B3GALNT2: variants seen among roughly 807,000 people sequenced by gnomAD.
The protein encoded by B3GALNT2 is UDP-GalNAc:beta-1,3-N-acetylgalactosaminyltransferase 2.
B3GALNT2 carries 53 observed loss-of-function variants against 61.1 expected under a neutral mutation model. That is an observed-to-expected ratio of 0.87 (90% confidence interval 0.70 to 1.09). B3GALNT2 has a LOEUF of 1.09. Among genes scored for constraint, B3GALNT2 ranks in the 50% least tolerant of loss-of-function variants. The pLI is 0.00. For synonymous variants in B3GALNT2, 223 were observed against 237.4 expected (o/e 0.94, Z 0.56); for missense variants, 544 against 623.0 (o/e 0.87, Z 1.35).
chr1:235,489,102 T>C (rs1684939869), intron 3 of B3GALNT2, 66 bp downstream of exon 3: 2 of 1,582,368 alleles, frequency 1.3e-6, no homozygotes, highest in African/African-American at 1.4e-5. Flanking sequence ...CTCCATACTA[T>C]TAAGCTTAGC....
intron 11 of B3GALNT2, 109 bp from the exon 12 acceptor site, chr1:235,450,449 T>C (rs1284508886): frequency 1.5e-6 from 2 of 1,349,050 alleles, no homozygotes; most frequent in Non-Finnish European, 2.0e-6. Context: ...CTGAAATTAT[T>C]TCAAGGATAA....
At chr1:235,450,544 G>A (rs991410825) in intron 11 of B3GALNT2, 28 of 544,868 alleles carry the variant, frequency 5.1e-5, no homozygotes, top group Non-Finnish European at 7.7e-5. Flanking sequence ...CTGTGGCTGT[G>A]GAATACAGAA....
chr1:235,440,137 A>AT, the B3GALNT2 span, among the ~76,000 whole-genome samples: 1 of 151,808 alleles, frequency 6.6e-6, no homozygotes, highest in Non-Finnish European at 1.5e-5. Context: ...CACCCGGCTA[A>AT]TTTTTTGTAT....
At chr1:235,475,995 GT>G (rs986210350) in intron 5 of B3GALNT2, among the ~76,000 whole-genome samples, 1 of 151,986 alleles carries the variant, frequency 6.6e-6, no homozygotes, top group Non-Finnish European at 1.5e-5. Context: ...TGGCCTGCTT[GT>G]TTTTTAAAAG....
At chr1:235,491,537 G>A (rs1205896151) in intron 2 of B3GALNT2, among the ~76,000 whole-genome samples, 1 of 152,150 alleles carries the variant, frequency 6.6e-6, no homozygotes, top group Non-Finnish European at 1.5e-5. Context: ...ACACAACTGA[G>A]CTTCTTTCCC....
chr1:235,464,262 C>T (rs935848426), intron 7 of B3GALNT2: 2 of 152,140 alleles, frequency 1.3e-5, no homozygotes, highest in Non-Finnish European at 2.9e-5. Flanking sequence ...TAAAGGGCAC[C>T]ATTTGCAAAG....
chr1:235,448,326 G>A lies in B3GALNT2; in HGVS notation c.*1880C>T, dbSNP rs777784402. On this transcript the variant is annotated 3_prime_UTR_variant, in exon 12 of 12. Transcript: ENST00000366600. The stretch of plus-strand genomic sequence containing the variant: ...GTAACTGTCATTTGAGAGAACGAAT[G>A]GACTTTTCTTGTCTTTTGATAGGCT... 1.9e-6 allele frequency: 3 copies of A among 1,607,508 alleles called. No homozygotes were observed. Among genetic ancestry groups the A allele is most frequent in the Non-Finnish European group, 2.6e-6 (3 of 1,174,396 alleles).
At chr1:235,501,317 C>A (rs1685571581) in intron 1 of B3GALNT2, among the ~76,000 whole-genome samples, 1 of 152,110 alleles carries the variant, frequency 6.6e-6, no homozygotes, top group Admixed American at 6.5e-5. Context: ...TTTAAGGGAA[C>A]CTATCACATT....
chr1:235,464,118 A>C (rs1455395096), intron 7 of B3GALNT2: 2 of 152,190 alleles, frequency 1.3e-5, no homozygotes, highest in Non-Finnish European at 2.9e-5. Flanking sequence ...AAGTGCTAAA[A>C]CTATAAAACT....
At chr1:235,454,369 C>CTAT in intron 9 of B3GALNT2, 54 bp from the exon 10 acceptor site, 2 of 1,475,968 alleles carry the variant, frequency 1.4e-6, no homozygotes, top group Non-Finnish European at 9.3e-7. Context: ...TATCCTGCCA[C>CTAT]TATTAAAACT....
At chr1:235,441,502 A>C in the B3GALNT2 span, 2 of 350,104 alleles carry the variant, frequency 5.7e-6, no homozygotes, top group Admixed American at 9.0e-5. Context: ...AGGACACCTA[A>C]GGAACAATGA....
chr1:235,498,092 T>G (rs1685411944), intron 1 of B3GALNT2, among the ~76,000 whole-genome samples: 1 of 152,014 alleles, frequency 6.6e-6, no homozygotes, highest in Non-Finnish European at 1.5e-5. Flanking sequence ...GAAAAATAGG[T>G]TTTTTAACCA....
intron 8 of B3GALNT2, among the ~76,000 whole-genome samples, chr1:235,455,985 G>A (rs1364093969): frequency 5.9e-5 from 9 of 152,130 alleles, no homozygotes; most frequent in African/African-American, 9.7e-5. Context: ...ATGCTTCTTA[G>A]GCATCATTCA....
At chr1:235,440,126 A>G in the B3GALNT2 span, among the ~76,000 whole-genome samples, 1 of 151,894 alleles carries the variant, frequency 6.6e-6, no homozygotes, top group Admixed American at 6.6e-5. Flanking sequence ...GCCCACCACC[A>G]CACCCGGCTA....
chr1:235,492,433 T>C (rs1346559987), intron 2 of B3GALNT2, among the ~76,000 whole-genome samples: 2 of 152,186 alleles, frequency 1.3e-5, no homozygotes, highest in Non-Finnish European at 2.9e-5. Flanking sequence ...GCACGCTAAA[T>C]TTAAAGCAAG....
At chr1:235,465,818 G>T in intron 6 of B3GALNT2, 104 bp from the exon 7 acceptor site, 1 of 1,326,676 alleles carries the variant, frequency 7.5e-7, no homozygotes. Context: ...ACTTGCAGCA[G>T]ATAAATGCAT....
chr1:235,471,225 T>C (rs973756408), intron 5 of B3GALNT2, among the ~76,000 whole-genome samples: 1 of 152,184 alleles, frequency 6.6e-6, no homozygotes. Context: ...ATCAAAAGCA[T>C]TTCCTTATGT....
intron 11 of B3GALNT2, among the ~76,000 whole-genome samples, 194 bp downstream of exon 11, chr1:235,452,896 C>T (rs967210897): frequency 3.3e-5 from 5 of 152,178 alleles, no homozygotes; most frequent in Non-Finnish European, 7.3e-5. Flanking sequence ...AGGAAATGCT[C>T]ACTGAAGCAT....
At chr1:235,441,709 C>A in the B3GALNT2 span, 1 of 1,034,990 alleles carries the variant, frequency 9.7e-7, no homozygotes, top group Non-Finnish European at 1.5e-6. Context: ...CTGGGAAAGG[C>A]ACAGGCTCTC....
Sources: gnomAD v4.1 joint callset for allele counts (sites outside exome capture counted in the v4.1 genomes callset) on GRCh38, gnomAD v4.1.1 for gene constraint, MANE v1.5 for transcripts, NCBI Gene and HGNC (gene_info 2026-07-23, HGNC 2026-07-21) for gene names.